The following AIM2 variants were observed in gnomAD, a reference collection of about 807,000 sequenced individuals.
AIM2 encodes interferon-inducible protein AIM2.
Under a neutral mutation model 27.7 loss-of-function variants are expected in AIM2, and 30 were observed. That is an observed-to-expected ratio of 1.08 (90% CI 0.81 to 1.47). The LOEUF (loss-of-function observed/expected upper bound fraction) is 1.47, where lower values mean the gene tolerates loss of function less well. AIM2 is among the 40% of genes most tolerant of loss of function. The pLI is 0.00. For missense variants in AIM2, 358 were observed against 411.3 expected, an observed-to-expected ratio of 0.87 and a Z score of 1.12; for synonymous variants, 141 against 145.3, an observed-to-expected ratio of 0.97 and a Z score of 0.21.
At chr1:159,122,896 A>G (rs1194550038) in intron 1 of AIM2, among the ~76,000 whole-genome samples, 2 of 152,188 alleles carry the variant, frequency 1.3e-5, no homozygotes, top group Non-Finnish European at 2.9e-5. Flanking sequence ...AAGAGCTTAG[A>G]TGTCTACAGT....
At chr1:159,114,551 T>G (rs1161670242) in intron 1 of AIM2, among the ~76,000 whole-genome samples, 1 of 152,192 alleles carries the variant, frequency 6.6e-6, no homozygotes, top group East Asian at 1.9e-4. Context: ...ACCCTGCCTC[T>G]ACAAAAAAAT....
At chr1:159,072,182 G>A (rs1403571618) in intron 2 of AIM2, among the ~76,000 whole-genome samples, 1 of 152,116 alleles carries the variant, frequency 6.6e-6, no homozygotes, top group Non-Finnish European at 1.5e-5. Context: ...GCCATCTAAG[G>A]GCCATCTCTA....
intron 1 of AIM2, among the ~76,000 whole-genome samples, chr1:159,106,103 G>A (rs1657439627): frequency 6.6e-6 from 1 of 152,146 alleles, no homozygotes; most frequent in African/African-American, 2.4e-5. Context: ...GAGAGGCCAG[G>A]GAGTGAGAGC....
chr1:159,119,228 G>A (rs1018701541), intron 1 of AIM2, among the ~76,000 whole-genome samples: 1 of 152,034 alleles, frequency 6.6e-6, no homozygotes, highest in African/African-American at 2.4e-5. Context: ...TTGAGCCACC[G>A]AGATTTTGAG....
At chr1:159,117,461 A>G (rs1553220483) in intron 1 of AIM2, among the ~76,000 whole-genome samples, 1 of 152,146 alleles carries the variant, frequency 6.6e-6, no homozygotes, top group Non-Finnish European at 1.5e-5. Flanking sequence ...TGTATCCAAG[A>G]TTTTTTTATA....
At position 159,062,649 on chromosome 1, in the gene AIM2, T is replaced by C; in HGVS notation, c.*43A>G. The C allele has an allele frequency of 6.3e-7, 1 of 1,595,004 alleles. No individual in the cohort carries two copies. The highest frequency in any genetic ancestry group is 1.3e-5 in the African/African-American group (1 of 74,372). ...CTGTATCACATATTCTTCAATTAAA[T>C]GCTGCTTAGACCAGTTGGCTTGAAT... On this transcript the variant is annotated 3_prime_UTR_variant, in exon 6 of 6. Transcript: ENST00000368130.
chr1:159,128,502 A>T (rs1277816836), intron 1 of AIM2, among the ~76,000 whole-genome samples: 2 of 152,178 alleles, frequency 1.3e-5, no homozygotes, highest in Non-Finnish European at 2.9e-5. Context: ...GAGTTCACTC[A>T]GTTACTCCCA....
In AIM2 at chr1:159,087,886, A is replaced by C. The variant is rs1021288619; in HGVS notation, c.-15-21557T>G. Among the ~76,000 whole-genome samples, 4 of 152,048 alleles carry C rather than the reference A, an allele frequency of 2.6e-5. No homozygotes were observed. The South Asian group carries it at 6.2e-4, about 24-fold the overall frequency. ...GTGCCCAGCCAAGTCTACTTTTTTT[A>C]AATGTAATAGTGATAAGTGGCAGAG... is the stretch of plus-strand genomic sequence containing the variant. On this transcript the variant is annotated intron_variant, in intron 1 of 2. Coordinates refer to the AIM2 transcript ENST00000368129.
At chr1:159,063,907 T>A (rs973043156) in intron 4 of AIM2, among the ~76,000 whole-genome samples, 1 of 152,220 alleles carries the variant, frequency 6.6e-6, no homozygotes, top group South Asian at 2.1e-4. Context: ...ATCAAGACAA[T>A]GAGGATGAAG....
At chr1:159,137,463 C>A (rs1648032931) in intron 1 of AIM2, among the ~76,000 whole-genome samples, 1 of 152,130 alleles carries the variant, frequency 6.6e-6, no homozygotes, top group African/African-American at 2.4e-5. Flanking sequence ...TCAAGACCAG[C>A]CTGGCCAACA....
intron 1 of AIM2, among the ~76,000 whole-genome samples, chr1:159,109,416 G>T (rs956794269): frequency 6.6e-6 from 1 of 152,146 alleles, no homozygotes; most frequent in African/African-American, 2.4e-5. Flanking sequence ...ACTCAAGATG[G>T]ATTAAGGACT....
chr1:159,121,734 C>A (rs754508769), intron 1 of AIM2, among the ~76,000 whole-genome samples: 37 of 152,268 alleles, frequency 2.4e-4, no homozygotes, highest in Admixed American at 7.8e-4. Context: ...AAAGTCAGAA[C>A]TAAACAAGAA....
At chr1:159,118,439 G>C (rs1024330515) in intron 1 of AIM2, among the ~76,000 whole-genome samples, 1 of 152,124 alleles carries the variant, frequency 6.6e-6, no homozygotes, top group Non-Finnish European at 1.5e-5. Flanking sequence ...AACATTTGAG[G>C]TAAGGGTAAT....
At chr1:159,124,795 G>A (rs1417913595) in intron 1 of AIM2, among the ~76,000 whole-genome samples, 1 of 152,214 alleles carries the variant, frequency 6.6e-6, no homozygotes, top group Admixed American at 6.5e-5. Context: ...AGTAGAGCAG[G>A]AGGAAAACAG....
chr1:159,100,651 C>T (rs1375095570), intron 1 of AIM2, among the ~76,000 whole-genome samples: 1 of 152,224 alleles, frequency 6.6e-6, no homozygotes, highest in Non-Finnish European at 1.5e-5. Flanking sequence ...ATTGAATCTG[C>T]ATTCCTGTGT....
At chr1:159,099,011 T>C (rs1029702465) in intron 1 of AIM2, among the ~76,000 whole-genome samples, 11 of 152,066 alleles carry the variant, frequency 7.2e-5, no homozygotes, top group African/African-American at 2.4e-4. Flanking sequence ...GTGTGATTTT[T>C]TTTTTTTTTC....
At chr1:159,072,037 T>C (rs1453918080) in intron 2 of AIM2, among the ~76,000 whole-genome samples, 1 of 152,204 alleles carries the variant, frequency 6.6e-6, no homozygotes, top group African/African-American at 2.4e-5. Context: ...TCTTGATTTA[T>C]TACCAAAATA....
At chr1:159,062,277 G>A (rs1183152228), downstream of AIM2, among the ~76,000 whole-genome samples, 1 of 152,098 alleles carries the variant, frequency 6.6e-6, no homozygotes, top group Non-Finnish European at 1.5e-5. Context: ...TAATTATTCA[G>A]TATCTACTTT....
At chr1:159,145,782 C>T (rs866196268) in intron 1 of AIM2, among the ~76,000 whole-genome samples, 2 of 152,058 alleles carry the variant, frequency 1.3e-5, no homozygotes, top group Non-Finnish European at 2.9e-5. Context: ...ACCTCCCACC[C>T]ACCTCTGACA....
Sources: gnomAD v4.1 joint callset for allele counts (sites outside exome capture counted in the v4.1 genomes callset) on GRCh38, gnomAD v4.1.1 for gene constraint, MANE v1.5 for transcripts, NCBI Gene and HGNC (gene_info 2026-07-23, HGNC 2026-07-21) for gene names.